Variants in ATG5 observed in about 807,000 individuals in gnomAD.
ATG5 encodes the protein autophagy related 5.
ATG5 carries 14 observed loss-of-function variants against 36.5 expected under a neutral mutation model. The ratio of observed to expected loss-of-function variants is 0.38; its 90% CI spans 0.25 to 0.60. The LOEUF (loss-of-function observed/expected upper bound fraction) is 0.60, where lower values mean the gene tolerates loss of function less well. Ranked by LOEUF, ATG5 falls within the 20% of genes least tolerant of loss-of-function variation. ATG5 has a pLI of 0.60. For missense variants in ATG5, 195 were observed against 326.7 expected (o/e 0.60, Z 3.11); for synonymous variants, 95 against 101.5 (o/e 0.94, Z 0.38).
chr6:106,323,702 C>G (rs1771189871), intron 1 of ATG5, among the ~76,000 whole-genome samples: 1 of 152,144 alleles, frequency 6.6e-6, no homozygotes, highest in South Asian at 2.1e-4. Context: ...TAAATGCAGT[C>G]AATGGCCTAC....
chr6:106,201,273 ATATG>A (rs953446002), intron 7 of ATG5, among the ~76,000 whole-genome samples: 1 of 91,752 alleles, frequency 1.1e-5, no homozygotes, highest in African/African-American at 5.9e-5. Flanking sequence ...ATTCAAGTGT[ATATG>A]TGTGTGTGTG....
In ATG5 at chr6:106,209,953, G is replaced by A. The variant is rs188572020; in HGVS notation, c.574-7864C>T. Among the ~76,000 whole-genome samples the A allele has an allele frequency of 5.3e-5, 8 of 152,304 alleles. No homozygotes were observed. In the East Asian group the frequency reaches 9.6e-4, roughly 18 times the overall value. ...GTTATCACCTGGATCTTATTAAAAT[G>A]TAGATTCTCAGGCTGCATATTGGAA... On this transcript the variant is annotated intron_variant, in intron 6 of 7. Transcript: ENST00000369076.
intron 6 of ATG5, among the ~76,000 whole-genome samples, chr6:106,244,619 A>T (rs1778259278): frequency 6.6e-6 from 1 of 152,304 alleles, no homozygotes; most frequent in South Asian, 2.1e-4. Flanking sequence ...ATTGCACTGT[A>T]TGTCTCTTCT....
At chr6:106,304,624 A>T (rs917822283) in intron 3 of ATG5, among the ~76,000 whole-genome samples, 2 of 152,204 alleles carry the variant, frequency 1.3e-5, no homozygotes, top group African/African-American at 4.8e-5. Context: ...TGAAAAAGGT[A>T]AAACAACTGA....
chr6:106,187,538 T>C (rs542758272), intron 7 of ATG5, among the ~76,000 whole-genome samples: 6 of 152,310 alleles, frequency 3.9e-5, no homozygotes, highest in East Asian at 3.9e-4. Context: ...CTTTGTGTTA[T>C]TCCTTTAGCA....
chr6:106,291,733 G>T (rs1453584282), intron 4 of ATG5, among the ~76,000 whole-genome samples: 1 of 152,198 alleles, frequency 6.6e-6, no homozygotes, highest in East Asian at 1.9e-4. Flanking sequence ...GTTTGAAGTA[G>T]TTTTATCTCC....
At chr6:106,281,308 T>C (rs1779868390) in intron 4 of ATG5, among the ~76,000 whole-genome samples, 1 of 152,214 alleles carries the variant, frequency 6.6e-6, no homozygotes, top group African/African-American at 2.4e-5. Flanking sequence ...AGCATTACCA[T>C]CACCCACAAA....
intron 5 of ATG5, among the ~76,000 whole-genome samples, chr6:106,252,402 A>G (rs1179680166): frequency 1.3e-5 from 2 of 151,848 alleles, no homozygotes; most frequent in African/African-American, 4.8e-5. Flanking sequence ...ATGGTCATCC[A>G]TTTTTCCTCT....
At chr6:106,218,701 A>G (rs1163517061) in intron 6 of ATG5, among the ~76,000 whole-genome samples, 5 of 152,178 alleles carry the variant, frequency 3.3e-5, no homozygotes, top group Non-Finnish European at 5.9e-5. Flanking sequence ...GCTGCAATAC[A>G]TAAGCAGACG....
chr6:106,316,025 C>T (rs967101996), intron 2 of ATG5, 76 bp downstream of exon 2: 1 of 1,209,800 alleles, frequency 8.3e-7, no homozygotes, highest in Non-Finnish European at 1.2e-6. Flanking sequence ...ACATAATGGC[C>T]TCCAAGTTCT....
chr6:106,226,421 G>A (rs528345198), intron 6 of ATG5, among the ~76,000 whole-genome samples: 1 of 152,190 alleles, frequency 6.6e-6, no homozygotes, highest in South Asian at 2.1e-4. Context: ...AAAGAAACAA[G>A]TATAAGCCAC....
At chr6:106,259,630 T>C (rs115882027) in intron 5 of ATG5, among the ~76,000 whole-genome samples, 2,931 of 152,308 alleles carry the variant, frequency 0.019, 102 homozygotes, top group African/African-American at 0.066. Flanking sequence ...GCTCCTTTCT[T>C]ACATTCTAGG....
At chr6:106,277,310 C>G (rs996306756) in intron 5 of ATG5, among the ~76,000 whole-genome samples, 3 of 152,164 alleles carry the variant, frequency 2.0e-5, no homozygotes, top group Non-Finnish European at 4.4e-5. Context: ...AGAACATCTA[C>G]TGGACTAACT....
chr6:106,212,598 CACT>C (rs1422685385), intron 6 of ATG5, among the ~76,000 whole-genome samples: 5 of 152,170 alleles, frequency 3.3e-5, no homozygotes, highest in African/African-American at 1.2e-4. Context: ...GACACCGTCC[CACT>C]GCACTCCAGC....
At chr6:106,263,737 A>T (rs1279195952) in intron 5 of ATG5, among the ~76,000 whole-genome samples, 1 of 152,186 alleles carries the variant, frequency 6.6e-6, no homozygotes, top group Non-Finnish European at 1.5e-5. Flanking sequence ...GACTTCCAGC[A>T]AACTGCAGCA....
At chr6:106,226,396 AT>A (rs752106572) in intron 6 of ATG5, among the ~76,000 whole-genome samples, 1 of 152,184 alleles carries the variant, frequency 6.6e-6, no homozygotes, top group Non-Finnish European at 1.5e-5. Context: ...CAACAACAAA[AT>A]TACAAAGACA....
intron 6 of ATG5, among the ~76,000 whole-genome samples, chr6:106,230,729 C>G (rs1018761151): frequency 2.4e-4 from 36 of 152,020 alleles, no homozygotes; most frequent in African/African-American, 7.7e-4. Flanking sequence ...CAATTTGACT[C>G]TCAGATGCTA....
rs114218211 is a variant in ATG5 at position 106,228,366 on chromosome 6, C to A, written c.573+19784G>T. 6.7e-3 allele frequency among the ~76,000 whole-genome samples: 1,016 copies of A among 152,306 alleles called. 16 individuals are homozygous for A. Among genetic ancestry groups the A allele is most frequent in the African/African-American group, 0.024 (990 of 41,552 alleles). ...ATCCAGTGAGACGCCCATTGCCGAT[C>A]CCGACTGGGCTAAAGACTTGCCATT... is the stretch of plus-strand genomic sequence containing the variant. On this transcript the variant is annotated intron_variant, in intron 6 of 7. Coordinates refer to ENST00000369076, the MANE Select transcript of ATG5 (RefSeq NM_004849.4).
At chr6:106,266,105 CTAAT>C (rs1427022604) in intron 5 of ATG5, among the ~76,000 whole-genome samples, 1 of 150,008 alleles carries the variant, frequency 6.7e-6, no homozygotes, top group Non-Finnish European at 1.5e-5. Context: ...ACTAGCTAGA[CTAAT>C]AAAGAAGAAA....
Sources: gnomAD v4.1 joint callset for allele counts (sites outside exome capture counted in the v4.1 genomes callset) on GRCh38, gnomAD v4.1.1 for gene constraint, MANE v1.5 for transcripts, NCBI Gene and HGNC (gene_info 2026-07-23, HGNC 2026-07-21) for gene names.